GNAO1: variants seen among roughly 807,000 people sequenced by gnomAD.
GNAO1 encodes G protein subunit alpha o1.
For missense variants in GNAO1, 166 were observed against 478.7 expected (o/e 0.35, Z 6.10); for synonymous variants, 164 against 180.7 (o/e 0.91, Z 0.74).
intron 4 of GNAO1, among the ~76,000 whole-genome samples, chr16:56,333,293 A>C (rs542375734): frequency 1.3e-5 from 2 of 150,496 alleles, no homozygotes; most frequent in East Asian, 2.0e-4. Flanking sequence ...ACTCACTGCA[A>C]CCTCCGCCTC....
intron 2 of GNAO1, among the ~76,000 whole-genome samples, chr16:56,261,761 G>A (rs1421264726): frequency 6.6e-6 from 1 of 152,156 alleles, no homozygotes; most frequent in African/African-American, 2.4e-5. Context: ...CTATGGTGGT[G>A]TAACCCTCAG....
chr16:56,215,796 A>G (rs2036431899), intron 2 of GNAO1, among the ~76,000 whole-genome samples: 1 of 152,220 alleles, frequency 6.6e-6, no homozygotes, highest in South Asian at 2.1e-4. Context: ...GTATACATAC[A>G]TGATATGTAT....
At chr16:56,200,974 G>A (rs1296940660) in intron 2 of GNAO1, among the ~76,000 whole-genome samples, 1 of 152,208 alleles carries the variant, frequency 6.6e-6, no homozygotes, top group Non-Finnish European at 1.5e-5. Flanking sequence ...AGACAGGATG[G>A]TAGGGGATCC....
At chr16:56,200,392 A>G (rs557664226) in intron 2 of GNAO1, among the ~76,000 whole-genome samples, 1 of 152,346 alleles carries the variant, frequency 6.6e-6, no homozygotes, top group South Asian at 2.1e-4. Flanking sequence ...ATAAACCAAA[A>G]TAATCATGTT....
chr16:56,289,056 GA>G (rs1263952224), intron 3 of GNAO1, among the ~76,000 whole-genome samples: 1 of 151,942 alleles, frequency 6.6e-6, no homozygotes, highest in African/African-American at 2.4e-5. Flanking sequence ...GGAAAAAAGA[GA>G]AAAAAACACA....
At chr16:56,330,557 C>T (rs1278853429) in intron 4 of GNAO1, among the ~76,000 whole-genome samples, 1 of 152,196 alleles carries the variant, frequency 6.6e-6, no homozygotes, top group Non-Finnish European at 1.5e-5. Context: ...CCTGCCCCTC[C>T]CACTTTTACC....
At chr16:56,302,514 T>C (rs1391085372) in intron 3 of GNAO1, 1 of 152,278 alleles carries the variant, frequency 6.6e-6, no homozygotes, top group Non-Finnish European at 1.5e-5. Flanking sequence ...GAGCCACTCT[T>C]CCAGGCCTCC....
intron 4 of GNAO1, among the ~76,000 whole-genome samples, chr16:56,334,507 C>T (rs1256130487): frequency 6.6e-6 from 1 of 152,212 alleles, no homozygotes; most frequent in Non-Finnish European, 1.5e-5. Context: ...GAGCTGCATG[C>T]GTAGCCCTTT....
chr16:56,265,588 G>C (rs140178088), intron 2 of GNAO1, among the ~76,000 whole-genome samples: 174 of 152,318 alleles, frequency 1.1e-3, no homozygotes, highest in African/African-American at 3.9e-3. Context: ...CCTCCAGCTG[G>C]TGGGTTGATG....
chr16:56,304,392 A>G (rs561698025), intron 3 of GNAO1, among the ~76,000 whole-genome samples: 8 of 152,356 alleles, frequency 5.3e-5, no homozygotes, highest in African/African-American at 1.7e-4. Context: ...AGGTCCAGGA[A>G]GATGCCATTA....
At chr16:56,350,594 G>A (rs1305940996) in intron 6 of GNAO1, among the ~76,000 whole-genome samples, 2 of 152,188 alleles carry the variant, frequency 1.3e-5, no homozygotes. Context: ...CTCCACATCT[G>A]CCTTGCTTAG....
intron 2 of GNAO1, among the ~76,000 whole-genome samples, chr16:56,216,566 A>C (rs1309997935): frequency 2.0e-5 from 3 of 152,248 alleles, no homozygotes; most frequent in African/African-American, 4.8e-5. Context: ...TTAAGTGTTC[A>C]AGTCTTGTCT....
intron 2 of GNAO1, chr16:56,271,022 C>T (rs1044173664): frequency 6.6e-6 from 1 of 152,224 alleles, no homozygotes; most frequent in Non-Finnish European, 1.5e-5. Context: ...ACAACTCAGA[C>T]CTGGGCTGTC....
At chr16:56,247,073 A>C (rs1164363683) in intron 2 of GNAO1, among the ~76,000 whole-genome samples, 1 of 152,128 alleles carries the variant, frequency 6.6e-6, no homozygotes, top group Admixed American at 6.5e-5. Context: ...CCCGCAGTCT[A>C]ATCCACTGTC....
intron 3 of GNAO1, among the ~76,000 whole-genome samples, chr16:56,325,346 C>T (rs1567484183): frequency 6.6e-6 from 1 of 152,158 alleles, no homozygotes; most frequent in Non-Finnish European, 1.5e-5. Flanking sequence ...CGTGGTGGCA[C>T]ATGCCTGTAA....
At chr16:56,302,827 C>T (rs2037358139) in intron 3 of GNAO1, 1 of 152,212 alleles carries the variant, frequency 6.6e-6, no homozygotes, top group Non-Finnish European at 1.5e-5. Flanking sequence ...ATATTTATGG[C>T]TTGCCCTGAC....
intron 2 of GNAO1, among the ~76,000 whole-genome samples, chr16:56,206,440 C>A (rs2036329650): frequency 6.6e-6 from 1 of 151,826 alleles, no homozygotes; most frequent in Admixed American, 6.6e-5. Flanking sequence ...GACAACTTGA[C>A]CTGACTTATA....
intron 2 of GNAO1, among the ~76,000 whole-genome samples, chr16:56,256,708 CTCTCTCTCTCTGTGTGTGTGTG>C (rs1230438827): frequency 2.3e-4 from 27 of 119,496 alleles, no homozygotes; most frequent in African/African-American, 5.4e-4. Context: ...CTCTCTCTCT[CTCTCTCTCTCTGTGTGTGTGTG>C]TGTGTGTGTG....
At chr16:56,205,458 T>C (rs1159686163) in intron 2 of GNAO1, among the ~76,000 whole-genome samples, 2 of 152,158 alleles carry the variant, frequency 1.3e-5, no homozygotes, top group Non-Finnish European at 2.9e-5. Context: ...ATCTCCCTGG[T>C]ACTCTGTGGC....
Sources: gnomAD v4.1 joint callset for allele counts (sites outside exome capture counted in the v4.1 genomes callset) on GRCh38, gnomAD v4.1.1 for gene constraint, MANE v1.5 for transcripts, NCBI Gene and HGNC (gene_info 2026-07-23, HGNC 2026-07-21) for gene names.